Variants in NFIB observed in about 807,000 individuals in gnomAD.
NFIB encodes the protein nuclear factor I B, also known as nuclear factor 1 B-type.
A neutral mutation model predicts 61.5 loss-of-function variants in NFIB; 11 were observed. The observed-to-expected ratio is 0.18, with a 90% CI of 0.11 to 0.30. NFIB has a LOEUF of 0.30. Among genes scored for constraint, NFIB ranks in the 10% least tolerant of loss-of-function variants. NFIB has a pLI of 1.00. For missense variants in NFIB, 471 were observed against 608.9 expected (o/e 0.77, Z 2.38); for synonymous variants, 260 against 216.5 (o/e 1.20, Z -1.76).
chr9:14,514,223 T>C, the NFIB span, among the ~76,000 whole-genome samples: 1 of 152,158 alleles, frequency 6.6e-6, no homozygotes, highest in African/African-American at 2.4e-5. Flanking sequence ...TGATATATGT[T>C]GATCTGTTCT....
chr9:14,438,930 C>T, the NFIB span, among the ~76,000 whole-genome samples: 6 of 152,102 alleles, frequency 3.9e-5, no homozygotes, highest in East Asian at 1.9e-4. Flanking sequence ...AGCCTGGGAA[C>T]GCCCCCAATG....
At chr9:14,218,718 T>C (rs769744266) in intron 2 of NFIB, among the ~76,000 whole-genome samples, 4 of 152,216 alleles carry the variant, frequency 2.6e-5, no homozygotes, top group African/African-American at 7.2e-5. Flanking sequence ...ATGTACTCTT[T>C]TCCCCAGGAG....
chr9:14,199,688 C>G (rs1015088023), intron 2 of NFIB, among the ~76,000 whole-genome samples: 1 of 152,184 alleles, frequency 6.6e-6, no homozygotes, highest in African/African-American at 2.4e-5. Flanking sequence ...AAGACTTCCA[C>G]TTGGTCATTT....
chr9:14,383,910 A>G (rs1459317839), intron 1 of NFIB, among the ~76,000 whole-genome samples: 2 of 152,224 alleles, frequency 1.3e-5, no homozygotes, highest in African/African-American at 4.8e-5. Context: ...GCGCCATGGA[A>G]GAGCGCTTTA....
chr9:14,470,121 T>C, the NFIB span, among the ~76,000 whole-genome samples: 2 of 152,148 alleles, frequency 1.3e-5, no homozygotes, highest in Non-Finnish European at 2.9e-5. Flanking sequence ...AAGATCACAT[T>C]GATATTCACC....
At chr9:14,419,491 G>A in the NFIB span, among the ~76,000 whole-genome samples, 3 of 152,184 alleles carry the variant, frequency 2.0e-5, no homozygotes, top group South Asian at 4.2e-4. Context: ...AGCGTCCTGC[G>A]TCTAGTTGAA....
intron 2 of NFIB, among the ~76,000 whole-genome samples, chr9:14,225,480 AG>A (rs78775185): frequency 0.012 from 732 of 62,202 alleles, 19 homozygotes; most frequent in African/African-American, 0.048. Flanking sequence ...AAAAAAAAAA[AG>A]AAGAAGAAGA....
chr9:14,467,656 T>C, the NFIB span, among the ~76,000 whole-genome samples: 42 of 152,370 alleles, frequency 2.8e-4, no homozygotes, highest in East Asian at 3.1e-3. Flanking sequence ...TTTACTCATT[T>C]AATAAATATT....
intron 3 of NFIB, among the ~76,000 whole-genome samples, chr9:14,178,292 T>C (rs1049197612): frequency 6.6e-6 from 1 of 152,178 alleles, no homozygotes; most frequent in Non-Finnish European, 1.5e-5. Flanking sequence ...ATTCTGAACT[T>C]CTGAAAATTT....
the NFIB span, among the ~76,000 whole-genome samples, chr9:14,463,656 T>G: frequency 5.9e-5 from 1 of 16,820 alleles, no homozygotes; most frequent in Admixed American, 1.0e-3. Context: ...GTCATTTGAT[T>G]TTCTTTTTTT....
chr9:14,379,913 C>A (rs1334120447), intron 1 of NFIB, among the ~76,000 whole-genome samples: 1 of 151,696 alleles, frequency 6.6e-6, no homozygotes, highest in East Asian at 1.9e-4. Context: ...GAACTCCTGA[C>A]CTCAGGTGAT....
chr9:14,465,610 C>T, the NFIB span, among the ~76,000 whole-genome samples: 1 of 151,374 alleles, frequency 6.6e-6, no homozygotes, highest in Admixed American at 6.6e-5. Context: ...CACACACACG[C>T]CCTACCCCCT....
the NFIB span, among the ~76,000 whole-genome samples, chr9:14,482,059 G>C: frequency 6.7e-6 from 1 of 148,722 alleles, no homozygotes. Flanking sequence ...ATACTGAGAC[G>C]ATGCCCCACC....
intron 1 of NFIB, among the ~76,000 whole-genome samples, chr9:14,358,471 G>A (rs1388566925): frequency 6.6e-6 from 1 of 152,122 alleles, no homozygotes; most frequent in Non-Finnish European, 1.5e-5. Context: ...GCAGGTACGT[G>A]CATACCCACA....
the NFIB span, among the ~76,000 whole-genome samples, chr9:14,427,934 G>GTTTTTTTTTT: frequency 2.1e-3 from 55 of 25,964 alleles, 2 homozygotes; most frequent in Non-Finnish European, 2.8e-3. Context: ...CTTTAATTCA[G>GTTTTTTTTTT]TTGTTTTTTT....
At chr9:14,423,869 G>A in the NFIB span, among the ~76,000 whole-genome samples, 1 of 152,244 alleles carries the variant, frequency 6.6e-6, no homozygotes, top group Non-Finnish European at 1.5e-5. Flanking sequence ...TATATTGAAA[G>A]TCATGAGATC....
At chr9:14,167,730 G>T (rs1460657492) in intron 3 of NFIB, among the ~76,000 whole-genome samples, 4 of 152,110 alleles carry the variant, frequency 2.6e-5, no homozygotes, top group Non-Finnish European at 5.9e-5. Flanking sequence ...GTGTAATCAG[G>T]AATATTTTTG....
the NFIB span, among the ~76,000 whole-genome samples, chr9:14,427,982 TC>T: frequency 1.6e-5 from 2 of 122,448 alleles, no homozygotes; most frequent in African/African-American, 6.0e-5. Context: ...TCTCACTCTG[TC>T]ACTCAGGCCA....
chr9:14,489,680 C>T, the NFIB span, among the ~76,000 whole-genome samples: 1 of 152,050 alleles, frequency 6.6e-6, no homozygotes, highest in Non-Finnish European at 1.5e-5. Context: ...AGATAGTCTA[C>T]AAAAATAAAT....
Sources: allele counts gnomAD v4.1 joint callset (sites outside exome capture counted in the v4.1 genomes callset), GRCh38; gene constraint gnomAD v4.1.1; transcripts MANE v1.5; gene names NCBI Gene and HGNC (gene_info 2026-07-23, HGNC 2026-07-21).